Variants in COLEC11 observed in about 807,000 individuals in gnomAD.
COLEC11 encodes the protein collectin subfamily member 11.
In COLEC11, 20 loss-of-function variants were observed where a neutral mutation model predicts 27.3. That is an observed-to-expected ratio of 0.73 (90% CI 0.51 to 1.06). COLEC11 has a LOEUF of 1.06. Among genes scored for constraint, COLEC11 ranks in the 50% least tolerant of loss-of-function variants. The pLI is 0.00. For synonymous variants in COLEC11, 163 were observed against 154.7 expected (o/e 1.05, Z -0.40); for missense variants, 310 against 383.0 (o/e 0.81, Z 1.59).
At chr2:3,631,654 C>T (rs937546789) in intron 3 of COLEC11, among the ~76,000 whole-genome samples, 32 of 152,278 alleles carry the variant, frequency 2.1e-4, no homozygotes, top group African/African-American at 7.5e-4. Flanking sequence ...TGCTTGGTCA[C>T]GGCTGACACA....
At chr2:3,617,404 A>C (rs1055368986) in intron 3 of COLEC11, 64 of 925,184 alleles carry the variant, frequency 6.9e-5, no homozygotes, top group Middle Eastern at 3.4e-4. Context: ...CGTTGTCCGT[A>C]GTTCTTTGAT....
intron 5 of COLEC11, chr2:3,641,346 C>T (rs1158111397): frequency 8.4e-6 from 11 of 1,302,500 alleles, no homozygotes; most frequent in South Asian, 2.5e-5. Context: ...ACTGACTGGC[C>T]GAGCAGCATC....
chr2:3,597,524 G>C (rs558881621), intron 1 of COLEC11, among the ~76,000 whole-genome samples: 6 of 152,236 alleles, frequency 3.9e-5, no homozygotes, highest in African/African-American at 1.2e-4. Flanking sequence ...CTTTTCTTGG[G>C]AGACGGAGCC....
chr2:3,631,889 C>T (rs996949969), intron 3 of COLEC11, among the ~76,000 whole-genome samples: 5 of 152,208 alleles, frequency 3.3e-5, no homozygotes, highest in South Asian at 2.1e-4. Context: ...CAGCCCCTGG[C>T]TCTTAGAAAT....
chr2:3,606,453 G>T lies in COLEC11; in HGVS notation c.130+1983G>T, dbSNP rs114063182. 3.7e-3 allele frequency among the ~76,000 whole-genome samples: 560 copies of T among 152,310 alleles called. 3 individuals are homozygous for T. Among genetic ancestry groups the T allele is most frequent in the African/African-American group, 0.013 (539 of 41,574 alleles). On this transcript the variant is annotated intron_variant, in intron 2 of 6. Coordinates refer to ENST00000349077, the MANE Select transcript of COLEC11 (RefSeq NM_024027.5). ...GGTCTGAGGGTGCTGTGGGTCAGCCGTCCTGCGTGACGGGTCACCTGTCCT... is the reference window on the plus strand; with the variant it reads ...GGTCTGAGGGTGCTGTGGGTCAGCCTTCCTGCGTGACGGGTCACCTGTCCT...
chr2:3,638,257 C>T (rs1034996763), intron 4 of COLEC11, among the ~76,000 whole-genome samples: 1 of 151,804 alleles, frequency 6.6e-6, no homozygotes, highest in Admixed American at 6.5e-5. Flanking sequence ...GCGCCCCCGC[C>T]CCCCGCCATC....
chr2:3,641,030 TGTAGACCCCACGGTGGAC>T, intron 5 of COLEC11, among the ~76,000 whole-genome samples: 1 of 63,534 alleles, frequency 1.6e-5, no homozygotes, highest in Middle Eastern at 0.019. Flanking sequence ...CCACCCACCA[TGTAGACCCCACGGTGGAC>T]ACCCACCCAC....
chr2:3,626,168 A>G lies in COLEC11; in HGVS notation c.203-11365A>G, dbSNP rs1572442473. Reference sequence around the variant, plus strand: ...CAGAGAATAGGCAACCACTCTTCCCATGGCCACATGGCTTGGACAGAACTG... The same window carrying G: ...CAGAGAATAGGCAACCACTCTTCCCGTGGCCACATGGCTTGGACAGAACTG... On this transcript the variant is annotated intron_variant, in intron 3 of 6. Transcript: ENST00000349077. 26 of 1,175,582 alleles carry G rather than the reference A, an allele frequency of 2.2e-5. No homozygotes were observed. In the East Asian group the frequency reaches 5.4e-4, roughly 24 times the overall value. The allele number at this position is 1,175,582 out of a possible 1,614,324, so 72.8% of individuals were successfully genotyped here. A position where few individuals can be genotyped will look rare whatever the true frequency, so the allele number is the denominator to read the frequency against.
intron 2 of COLEC11, among the ~76,000 whole-genome samples, chr2:3,607,125 T>G (rs900345777): frequency 4.0e-5 from 6 of 148,818 alleles, no homozygotes; most frequent in African/African-American, 1.5e-4. Flanking sequence ...CTCTGCCAAC[T>G]CCACATTTGG....
intron 3 of COLEC11, among the ~76,000 whole-genome samples, chr2:3,633,697 A>G (rs1168499285): frequency 6.6e-6 from 1 of 152,132 alleles, no homozygotes; most frequent in African/African-American, 2.4e-5. Flanking sequence ...GGCTGTCCCA[A>G]CCTTCCTCCT....
chr2:3,622,337 A>G (rs1172654544), intron 3 of COLEC11, among the ~76,000 whole-genome samples: 2 of 152,152 alleles, frequency 1.3e-5, no homozygotes, highest in Non-Finnish European at 2.9e-5. Flanking sequence ...CTAAAAACAA[A>G]CAAACAACAA....
chr2:3,604,726 A>G (rs1336625636), intron 2 of COLEC11, among the ~76,000 whole-genome samples: 1 of 152,134 alleles, frequency 6.6e-6, no homozygotes, highest in Non-Finnish European at 1.5e-5. Flanking sequence ...CCTTGCTGGA[A>G]GGCACCTGGC....
At chr2:3,605,799 A>G (rs1263674913) in intron 2 of COLEC11, 2 of 312,738 alleles carry the variant, frequency 6.4e-6, no homozygotes, top group East Asian at 7.5e-5. Flanking sequence ...CGTGTTGTAC[A>G]AAATGAAAAG....
chr2:3,629,839 ATGTT>A (rs1221456339), intron 3 of COLEC11, among the ~76,000 whole-genome samples: 2 of 152,146 alleles, frequency 1.3e-5, no homozygotes, highest in Non-Finnish European at 2.9e-5. Context: ...ATGTATGTAT[ATGTT>A]TGTATTCATG....
At chr2:3,610,043 G>A (rs972725761) in intron 2 of COLEC11, among the ~76,000 whole-genome samples, 5 of 152,236 alleles carry the variant, frequency 3.3e-5, no homozygotes, top group Non-Finnish European at 5.9e-5. Context: ...TGACAAACTT[G>A]TCCTTACTGC....
intron 1 of COLEC11, among the ~76,000 whole-genome samples, chr2:3,599,727 T>C (rs949232883): frequency 1.3e-5 from 2 of 152,186 alleles, no homozygotes; most frequent in South Asian, 2.1e-4. Context: ...GGCAGTGCCA[T>C]GGCCCCTCCA....
At chr2:3,637,741 T>C in intron 4 of COLEC11, 137 bp downstream of exon 4, 3 of 780,802 alleles carry the variant, frequency 3.8e-6, no homozygotes, top group Non-Finnish European at 6.8e-6. Flanking sequence ...ATAAGAAATC[T>C]ACTGCAGTAC....
chr2:3,598,505 C>G (rs779994577), intron 1 of COLEC11, among the ~76,000 whole-genome samples: 2 of 152,346 alleles, frequency 1.3e-5, no homozygotes, highest in African/African-American at 4.8e-5. Context: ...GAGACCTTTA[C>G]GAAGCTGTAG....
At chr2:3,626,871 G>A (rs7599901) in intron 3 of COLEC11, among the ~76,000 whole-genome samples, 97,707 of 152,092 alleles carry the variant, frequency 0.64, 33,223 homozygotes, top group East Asian at 0.86. Flanking sequence ...TGTGGTAGGC[G>A]GTGCCCGGGC....
Sources: allele counts gnomAD v4.1 joint callset (sites outside exome capture counted in the v4.1 genomes callset), GRCh38; gene constraint gnomAD v4.1.1; transcripts MANE v1.5; gene names NCBI Gene and HGNC (gene_info 2026-07-23, HGNC 2026-07-21).